The following RNF212B variants were observed in gnomAD, a reference collection of about 807,000 sequenced individuals.
RNF212B encodes ring finger protein 212B.
Under a neutral mutation model 55.5 loss-of-function variants are expected in RNF212B, and 52 were observed. That is an observed-to-expected ratio of 0.94 (90% CI 0.75 to 1.18). The LOEUF is 1.18. Among genes scored for constraint, RNF212B ranks in the 50% most tolerant of loss-of-function variants. The pLI is 0.00. For missense variants in RNF212B, 289 were observed against 350.4 expected, an observed-to-expected ratio of 0.82 and a Z score of 1.40; for synonymous variants, 99 against 121.4, an observed-to-expected ratio of 0.82 and a Z score of 1.21.
chr14:23,242,090 A>C (rs1195947440), intron 2 of RNF212B, among the ~76,000 whole-genome samples: 32 of 125,438 alleles, frequency 2.6e-4, no homozygotes, highest in Middle Eastern at 3.4e-3. Flanking sequence ...TCAAAAAAAA[A>C]AAAAAAAAAA....
intron 2 of RNF212B, among the ~76,000 whole-genome samples, chr14:23,228,876 C>T (rs1159164488): frequency 2.0e-5 from 3 of 152,008 alleles, no homozygotes; most frequent in Admixed American, 2.0e-4. Flanking sequence ...AAATATATAA[C>T]ATAAAATTTG....
At chr14:23,210,431 G>A (rs779045333) in intron 2 of RNF212B, among the ~76,000 whole-genome samples, 8 of 152,194 alleles carry the variant, frequency 5.3e-5, no homozygotes, top group Non-Finnish European at 7.3e-5. Flanking sequence ...CTGGAGTTTA[G>A]TTAATTATAA....
rs145461052 is a variant in RNF212B at position 23,190,670 on chromosome 14, CAT to C, written c.-78-2654_-78-2653del. Among the ~76,000 whole-genome samples, 1,089 of 152,278 alleles carry C rather than the reference CAT, an allele frequency of 7.2e-3. 13 individuals carry two copies. Among genetic ancestry groups the C allele is most frequent in the African/African-American group, 0.024 (985 of 41,556 alleles). On this transcript the variant is annotated intron_variant, in intron 1 of 15. Coordinates refer to the RNF212B transcript ENST00000399910. The stretch of plus-strand genomic sequence containing the variant: ...CTTCTAATTGGTCTCCCAATTTCCA[CAT>C]GTTTCTCCTACAAATGTTCCCCTAC...
At chr14:23,255,193 C>A (rs1017069631) in intron 4 of RNF212B, among the ~76,000 whole-genome samples, 1 of 152,178 alleles carries the variant, frequency 6.6e-6, no homozygotes, top group Non-Finnish European at 1.5e-5. Context: ...TTCTTCAGCC[C>A]TTTTCTGCCT....
intron 5 of RNF212B, 72 bp from the exon 6 acceptor site, chr14:23,259,812 A>G: frequency 1.4e-6 from 1 of 723,836 alleles, no homozygotes; most frequent in Non-Finnish European, 2.2e-6. Context: ...AGATGTTAAT[A>G]GTTATAATAA....
intron 1 of RNF212B, among the ~76,000 whole-genome samples, chr14:23,186,404 G>A (rs1253925512): frequency 6.6e-6 from 1 of 151,168 alleles, no homozygotes; most frequent in Non-Finnish European, 1.5e-5. Flanking sequence ...CTGCAGTGGT[G>A]CGATCTCGGC....
intron 2 of RNF212B, among the ~76,000 whole-genome samples, chr14:23,195,166 G>A (rs1274688583): frequency 2.6e-5 from 4 of 151,788 alleles, no homozygotes; most frequent in Non-Finnish European, 4.4e-5. Flanking sequence ...TGTGGTGCAC[G>A]TCTACAGTCC....
chr14:23,194,650 G>A (rs979721430), intron 2 of RNF212B, among the ~76,000 whole-genome samples: 13 of 144,948 alleles, frequency 9.0e-5, no homozygotes, highest in Non-Finnish European at 1.5e-4. Flanking sequence ...CATGAGAATC[G>A]CATGAGCCCG....
Position 23,210,047 on chromosome 14 carries a change from A to G in RNF212B, c.-2+16646A>G, listed in dbSNP as rs369397829. Among the ~76,000 whole-genome samples, 7 of 152,314 alleles carry G rather than the reference A, an allele frequency of 4.6e-5. No homozygotes were observed. In the South Asian group the frequency reaches 8.3e-4, roughly 18 times the overall value. On this transcript the variant is annotated intron_variant, in intron 2 of 15. Coordinates refer to the RNF212B transcript ENST00000399910. ...GTGCCTGTAATCCCAGCTACTGGGG[A>G]GGCTGAGGCAGGAAAATTGCTTGAA...
At chr14:23,255,318 T>C (rs564369321) in intron 4 of RNF212B, among the ~76,000 whole-genome samples, 6 of 152,332 alleles carry the variant, frequency 3.9e-5, no homozygotes, top group Admixed American at 3.9e-4. Context: ...TAAACTAAAT[T>C]TGTTGTAATT....
intron 2 of RNF212B, among the ~76,000 whole-genome samples, chr14:23,207,448 G>A (rs1298189231): frequency 6.6e-6 from 1 of 152,176 alleles, no homozygotes; most frequent in African/African-American, 2.4e-5. Context: ...CCTGTTGGAA[G>A]CAAGTAAAAC....
At chr14:23,213,677 G>C (rs1348249313) in intron 2 of RNF212B, among the ~76,000 whole-genome samples, 3 of 146,024 alleles carry the variant, frequency 2.1e-5, no homozygotes, top group Non-Finnish European at 4.4e-5. Flanking sequence ...CCACTTTTAG[G>C]AACTGTGTGC....
intron 12 of RNF212B, 41 bp downstream of exon 12, chr14:23,269,004 T>C: frequency 6.6e-7 from 1 of 1,506,328 alleles, no homozygotes; most frequent in Non-Finnish European, 9.0e-7. Context: ...GATGTGTTCA[T>C]ACTTAAACTC....
chr14:23,204,276 G>A (rs765121976), intron 2 of RNF212B, among the ~76,000 whole-genome samples: 16 of 152,052 alleles, frequency 1.1e-4, no homozygotes, highest in Non-Finnish European at 2.2e-4. Flanking sequence ...TTGCTTTTGG[G>A]TTCTTGGTCA....
intron 4 of RNF212B, among the ~76,000 whole-genome samples, chr14:23,244,726 A>G (rs192171099): frequency 1.3e-5 from 2 of 152,324 alleles, no homozygotes; most frequent in Admixed American, 1.3e-4. Context: ...AATTGCTTTG[A>G]GTATATAGGC....
intron 10 of RNF212B, among the ~76,000 whole-genome samples, 186 bp downstream of exon 10, chr14:23,264,420 A>G (rs1039555170): frequency 9.9e-5 from 15 of 152,244 alleles, no homozygotes; most frequent in African/African-American, 3.6e-4. Context: ...AGGGGTGGAA[A>G]TAGTGAAAGT....
rs55661012 is a variant in RNF212B at position 23,262,646 on chromosome 14, CT to C, written c.435-10del. 39 of 1,526,102 alleles carry C rather than the reference CT, an allele frequency of 2.6e-5. No homozygotes were observed. The highest frequency in any genetic ancestry group is 1.7e-4 in the African/African-American group (12 of 72,230). 94.5% of individuals were successfully genotyped at this position (1,526,102 alleles called of 1,614,324 possible). On this transcript the variant is annotated intron_variant, in intron 7 of 14. Coordinates refer to ENST00000430154, the MANE Select transcript of RNF212B (RefSeq NM_001282322.3). ...CTGCCTAGAGAGATTAGAGCCGCCT[CT>C]TTTTTTTTCCCTTGCAGGTCAATCA...
At position 23,258,548 on chromosome 14, in the gene RNF212B, G is replaced by A; in HGVS notation, c.229-1G>A. On this transcript the variant is annotated splice_acceptor_variant, in intron 4 of 14. Transcript: ENST00000430154. LOFTEE classifies it high-confidence loss of function. ...GTCAAAGGCTTGTTTTTCCCTAGTA[G>A]GTGTGGAGTTTCCAGAAGAAACAAA... 1.4e-6 allele frequency: 2 copies of A among 1,477,080 alleles called. No individual in the cohort carries two copies. The highest frequency in any genetic ancestry group is 1.8e-6 in the Non-Finnish European group (2 of 1,091,244). 91.5% of individuals were successfully genotyped at this position (1,477,080 alleles called of 1,614,324 possible).
intron 2 of RNF212B, among the ~76,000 whole-genome samples, chr14:23,229,223 TATATATATATATATA>T (rs1566412303): frequency 0.017 from 1,255 of 75,508 alleles, 31 homozygotes; most frequent in East Asian, 0.057. Context: ...TAATATTTTA[TATATATATATATATA>T]TATATATATA....
Sources: allele counts gnomAD v4.1 joint callset (sites outside exome capture counted in the v4.1 genomes callset), GRCh38; gene constraint gnomAD v4.1.1; transcripts MANE v1.5; gene names NCBI Gene and HGNC (gene_info 2026-07-23, HGNC 2026-07-21).